The following EYS variants were observed in gnomAD, a reference collection of about 807,000 sequenced individuals.
EYS encodes EGF-like photoreceptor maintenance factor.
Under a neutral mutation model 282.1 loss-of-function variants are expected in EYS, and 250 were observed. The observed-to-expected ratio is 0.89, with a 90% CI of 0.80 to 0.98. The LOEUF is 0.98. Ranked by LOEUF, EYS falls within the 50% of genes least tolerant of loss-of-function variation. The pLI is 0.00. For synonymous variants in EYS, 1,355 were observed against 1,282.9 expected, an observed-to-expected ratio of 1.06 and a Z score of -1.20; for missense variants, 4,016 against 3,709.0, an observed-to-expected ratio of 1.08 and a Z score of -2.15.
In EYS at chr6:64,229,535, C is replaced by A. The variant is rs1054999931; in HGVS notation, c.6424+1057G>T. 3.9e-5 allele frequency among the ~76,000 whole-genome samples: 6 copies of A among 152,254 alleles called. No homozygotes were observed. The South Asian group carries it at 1.2e-3, about 32-fold the overall frequency. ...AAGCCATAGTGATGTATCTTCAGAG[C>A]ATTTTATAGATAAAATCAATTTTGA... On this transcript the variant is annotated intron_variant, in intron 31 of 42. Transcript: ENST00000503581.
At chr6:65,549,878 A>G (rs1429233591) in intron 2 of EYS, among the ~76,000 whole-genome samples, 1 of 152,132 alleles carries the variant, frequency 6.6e-6, no homozygotes, top group Non-Finnish European at 1.5e-5. Flanking sequence ...TACAGATTAC[A>G]TTAGTCAGGG....
intron 22 of EYS, among the ~76,000 whole-genome samples, chr6:64,788,202 C>T (rs1387306051): frequency 6.6e-6 from 1 of 152,126 alleles, no homozygotes; most frequent in East Asian, 1.9e-4. Context: ...TTTTAAGGAT[C>T]TGGTACAGAT....
At chr6:64,242,754 G>A (rs886978103) in intron 30 of EYS, among the ~76,000 whole-genome samples, 1 of 150,462 alleles carries the variant, frequency 6.6e-6, no homozygotes, top group African/African-American at 2.4e-5. Flanking sequence ...ATATGCTGAG[G>A]TTCCTCTGAG....
chr6:65,129,135 C>A (rs956344375), intron 12 of EYS, among the ~76,000 whole-genome samples: 4 of 151,910 alleles, frequency 2.6e-5, no homozygotes, highest in African/African-American at 9.7e-5. Flanking sequence ...AAGTTGGACC[C>A]CCTATCTATC....
chr6:65,013,276 G>T (rs1771937353), intron 13 of EYS, among the ~76,000 whole-genome samples: 1 of 152,080 alleles, frequency 6.6e-6, no homozygotes. Context: ...AAATACTCAT[G>T]ATATTTTCTT....
intron 5 of EYS, among the ~76,000 whole-genome samples, chr6:65,411,955 T>C (rs528181419): frequency 6.6e-6 from 1 of 152,154 alleles, no homozygotes; most frequent in African/African-American, 2.4e-5. Context: ...ACTGAAAATT[T>C]GTGTCCCCCA....
intron 12 of EYS, among the ~76,000 whole-genome samples, chr6:65,280,346 A>G (rs1240979359): frequency 6.6e-6 from 1 of 152,162 alleles, no homozygotes; most frequent in African/African-American, 2.4e-5. Context: ...TCTCAAAAAC[A>G]AATGTCTGTA....
chr6:64,042,738 C>T (rs1184524811), intron 33 of EYS, among the ~76,000 whole-genome samples: 3 of 152,164 alleles, frequency 2.0e-5, no homozygotes, highest in African/African-American at 7.2e-5. Context: ...GTTCTCTGGA[C>T]ACTTAAGATA....
chr6:63,768,498 G>C (rs1769852175), intron 40 of EYS, among the ~76,000 whole-genome samples: 1 of 152,046 alleles, frequency 6.6e-6, no homozygotes, highest in African/African-American at 2.4e-5. Flanking sequence ...CTAATCGTTA[G>C]AGAAATGCAA....
At chr6:63,839,976 T>G (rs573515178) in intron 36 of EYS, among the ~76,000 whole-genome samples, 40 of 152,180 alleles carry the variant, frequency 2.6e-4, no homozygotes, top group Middle Eastern at 3.4e-3. Context: ...TTTGAGCATT[T>G]TTTTTAATAT....
chr6:64,225,708 T>C (rs1178509497), intron 31 of EYS, among the ~76,000 whole-genome samples: 9 of 152,122 alleles, frequency 5.9e-5, no homozygotes, highest in African/African-American at 1.9e-4. Flanking sequence ...AGTATGAGAA[T>C]AGGGAGCAGG....
chr6:65,105,913 C>G (rs1484091628), intron 12 of EYS, among the ~76,000 whole-genome samples: 2 of 151,556 alleles, frequency 1.3e-5, no homozygotes, highest in Non-Finnish European at 2.9e-5. Context: ...AAGCAGTTTC[C>G]TCTAGTAGCT....
intron 2 of EYS, among the ~76,000 whole-genome samples, chr6:65,599,984 G>A (rs1333949239): frequency 1.3e-5 from 2 of 152,000 alleles, no homozygotes; most frequent in African/African-American, 2.4e-5. Flanking sequence ...ATTCTGTATC[G>A]AGTGTGAGTC....
chr6:65,425,232 C>A (rs535756228), intron 5 of EYS, among the ~76,000 whole-genome samples: 1 of 152,126 alleles, frequency 6.6e-6, no homozygotes, highest in South Asian at 2.1e-4. Context: ...ACTTGAATTA[C>A]AAACTAATCT....
chr6:64,501,519 C>T (rs933225788), intron 26 of EYS, among the ~76,000 whole-genome samples: 3 of 151,472 alleles, frequency 2.0e-5, no homozygotes, highest in African/African-American at 4.9e-5. Context: ...TGAGAACATC[C>T]TCATTAAAAA....
At chr6:65,051,537 C>T (rs1397004641) in intron 13 of EYS, among the ~76,000 whole-genome samples, 2 of 151,548 alleles carry the variant, frequency 1.3e-5, no homozygotes. Context: ...TTACCTCACA[C>T]ACATTTTGAG....
intron 8 of EYS, among the ~76,000 whole-genome samples, chr6:65,371,167 C>T (rs1257498039): frequency 6.6e-6 from 1 of 151,804 alleles, no homozygotes; most frequent in Non-Finnish European, 1.5e-5. Context: ...AACACACAGA[C>T]TCCTTTTTCT....
At chr6:64,198,245 G>T (rs1765356830) in intron 31 of EYS, among the ~76,000 whole-genome samples, 1 of 151,082 alleles carries the variant, frequency 6.6e-6, no homozygotes, top group African/African-American at 2.4e-5. Context: ...CTGACCTCGT[G>T]ATCCTCCTGC....
chr6:65,134,329 G>A (rs1188315600), intron 12 of EYS, among the ~76,000 whole-genome samples: 2 of 152,060 alleles, frequency 1.3e-5, no homozygotes, highest in East Asian at 3.9e-4. Flanking sequence ...ATAATAGCAA[G>A]GACATAGAAT....
Sources: allele counts gnomAD v4.1 joint callset (sites outside exome capture counted in the v4.1 genomes callset), GRCh38; gene constraint gnomAD v4.1.1; transcripts MANE v1.5; gene names NCBI Gene and HGNC (gene_info 2026-07-23, HGNC 2026-07-21).